Variants in DZIP1L observed in about 807,000 individuals in gnomAD.
DZIP1L encodes cilium assembly protein DZIP1L.
Under a neutral mutation model 88.7 loss-of-function variants are expected in DZIP1L, and 90 were observed. That is an observed-to-expected ratio of 1.02 (90% CI 0.86 to 1.21). The LOEUF (loss-of-function observed/expected upper bound fraction) is 1.21. Ranked by LOEUF, DZIP1L falls within the 50% of genes most tolerant of loss-of-function variation. The pLI, the probability that DZIP1L is intolerant of heterozygous loss-of-function variation, is 0.00. For synonymous variants in DZIP1L, 363 were observed against 372.1 expected (o/e 0.98, Z 0.28); for missense variants, 932 against 955.8 (o/e 0.98, Z 0.33).
At position 138,068,357 on chromosome 3, in the gene DZIP1L, C is replaced by T; in HGVS notation, c.1626G>A (p.Gln542=). ...CCTCTCTGGTGACCAGTGTGCTCTG[C>T]TGGCTTTTGACTGGAAACACAGAAA... ...QPDGQPSVKS[Q]QSTLVTREAQ... is the part of the protein sequence containing the mutation. Residue 542 remains glutamine, a synonymous_variant, in exon 13 of 16, where the codon CAG becomes CAA. Transcript: ENST00000327532. The T allele has an allele frequency of 6.6e-7, 1 of 1,505,950 alleles. No individual in the cohort carries two copies. The highest frequency in any genetic ancestry group is 8.9e-7 in the Non-Finnish European group (1 of 1,121,618). 93.3% of individuals were successfully genotyped at this position (1,505,950 alleles called of 1,614,324 possible).
rs565746978 is a variant in DZIP1L at position 138,101,668 on chromosome 3, C to T, written c.501+1803G>A. On this transcript the variant is annotated intron_variant, in intron 2 of 15. Coordinates refer to ENST00000327532, the MANE Select transcript of DZIP1L (RefSeq NM_173543.3). ...GAGGCCCCCATAGGCCGAGCTCAGA[C>T]CACCTGCATAGCCGCTGGTGGTCTT... 3.8e-5 allele frequency: 30 copies of T among 798,346 alleles called. No individual in the cohort carries two copies. The African/African-American group carries it at 4.0e-4, about 11-fold the overall frequency. 49.5% of individuals were successfully genotyped at this position (798,346 alleles called of 1,614,324 possible). A position where few individuals can be genotyped will look rare whatever the true frequency, so the allele number is the denominator to read the frequency against.
intron 2 of DZIP1L, chr3:138,101,510 C>G: frequency 5.1e-6 from 4 of 789,858 alleles, no homozygotes; most frequent in Non-Finnish European, 9.0e-6. Context: ...GACTCGGACA[C>G]CAGCTTCCCA....
In DZIP1L at chr3:138,097,743, G is replaced by T. The variant is rs758649407; in HGVS notation, c.586+20C>A. 1.2e-6 allele frequency: 2 copies of T among 1,600,190 alleles called. No individual in the cohort carries two copies. Among genetic ancestry groups the T allele is most frequent in the African/African-American group, 2.7e-5 (2 of 74,736 alleles). ...CTTTCCACAGTCCCAGAAGGGGCCC[G>T]GGCTGCTGTCTGGACTCACCACCTT... On this transcript the variant is annotated intron_variant, in intron 3 of 15. Coordinates refer to ENST00000327532, the MANE Select transcript of DZIP1L (RefSeq NM_173543.3).
At chr3:138,077,407 A>G in intron 11 of DZIP1L, 92 bp downstream of exon 11, 4 of 1,556,832 alleles carry the variant, frequency 2.6e-6, no homozygotes, top group Admixed American at 3.5e-5. Flanking sequence ...TGAGCTCACA[A>G]TGCAAAGAAC....
At chr3:138,110,031 T>C (rs2042592214) in intron 1 of DZIP1L, among the ~76,000 whole-genome samples, 1 of 152,204 alleles carries the variant, frequency 6.6e-6, no homozygotes, top group African/African-American at 2.4e-5. Flanking sequence ...CATGTATACC[T>C]ATGTAACAAA....
At chr3:138,101,358 G>A (rs1269027919) in intron 2 of DZIP1L, 1 of 639,272 alleles carries the variant, frequency 1.6e-6, no homozygotes, top group Non-Finnish European at 2.8e-6. Context: ...GTGGGTTGAG[G>A]GCTAGGGCTG....
chr3:138,064,870 GC>G, intron 14 of DZIP1L, 103 bp from the exon 15 acceptor site: 1 of 1,483,236 alleles, frequency 6.7e-7, no homozygotes, highest in African/African-American at 1.4e-5. Context: ...GAGGGAATGA[GC>G]AGAAGGGCCA....
At position 138,077,535 on chromosome 3, in the gene DZIP1L, G is replaced by T; in HGVS notation, c.1386C>A (p.Thr462=). 2 of 1,614,112 alleles carry T rather than the reference G, an allele frequency of 1.2e-6. No homozygotes were observed. The highest frequency in any genetic ancestry group is 8.5e-7 in the Non-Finnish European group (1 of 1,180,022). Residue 462 remains threonine (T), a synonymous_variant, in exon 11 of 16, where the codon ACC becomes ACA. Coordinates refer to ENST00000327532, the MANE Select transcript of DZIP1L (RefSeq NM_173543.3). ...LKHFRPILED[T]LEEKLESMGI... ...CCATGCTTTCGAGCTTCTCTTCCAG[G>T]GTGTCCTCCAGGATTGGTCTGAAGT...
intron 1 of DZIP1L, among the ~76,000 whole-genome samples, chr3:138,108,973 C>A (rs2042569748): frequency 2.0e-5 from 3 of 152,172 alleles, no homozygotes; most frequent in African/African-American, 7.2e-5. Context: ...ACCACTAAAT[C>A]TGTGGAGTGC....
intron 1 of DZIP1L, among the ~76,000 whole-genome samples, chr3:138,106,083 C>A (rs573861692): frequency 6.7e-6 from 1 of 149,990 alleles, no homozygotes; most frequent in African/African-American, 2.5e-5. Flanking sequence ...ACACTTTACC[C>A]TATTTAATCA....
At chr3:138,079,078 T>C (rs1156487946) in intron 10 of DZIP1L, among the ~76,000 whole-genome samples, 1 of 152,200 alleles carries the variant, frequency 6.6e-6, no homozygotes, top group Non-Finnish European at 1.5e-5. Flanking sequence ...ATTACAACTT[T>C]GCATTTCTAA....
intron 1 of DZIP1L, chr3:138,112,270 C>A (rs2107873860): frequency 6.6e-6 from 1 of 152,246 alleles, no homozygotes; most frequent in East Asian, 1.9e-4. Context: ...CAAGTTCTAT[C>A]TGACTCCAGA....
At chr3:138,080,504 C>G in intron 10 of DZIP1L, 63 bp downstream of exon 10, 1 of 1,576,978 alleles carries the variant, frequency 6.3e-7, no homozygotes, top group Non-Finnish European at 8.7e-7. Flanking sequence ...ACAAACTAAA[C>G]AAGGAGGAGG....
intron 8 of DZIP1L, among the ~76,000 whole-genome samples, chr3:138,082,665 C>A (rs539017361): frequency 1.3e-5 from 2 of 152,336 alleles, no homozygotes; most frequent in East Asian, 3.9e-4. Flanking sequence ...CTTTTTATTA[C>A]CTGCAGTGGC....
intron 11 of DZIP1L, 96 bp downstream of exon 11, chr3:138,077,403 C>G: frequency 6.5e-7 from 1 of 1,549,972 alleles, no homozygotes; most frequent in Non-Finnish European, 8.8e-7. Flanking sequence ...TGAATGAGCT[C>G]ACAATGCAAA....
intron 1 of DZIP1L, among the ~76,000 whole-genome samples, chr3:138,108,548 A>C (rs2042558435): frequency 6.6e-6 from 1 of 151,774 alleles, no homozygotes; most frequent in Non-Finnish European, 1.5e-5. Context: ...TGCCCCCTTG[A>C]TATTCTGCTA....
chr3:138,091,425 C>T (rs1444870466), intron 5 of DZIP1L, among the ~76,000 whole-genome samples: 1 of 151,216 alleles, frequency 6.6e-6, no homozygotes, highest in East Asian at 2.0e-4. Flanking sequence ...CAAGACAAGC[C>T]TGATCAACAT....
Position 138,068,305 on chromosome 3 carries a change from C to A in DZIP1L, c.1678G>T (p.Val560Leu). The change falls in exon 13 of 16, where the codon GTG (valine) becomes TTG (leucine). Residue 560 changes from valine to leucine, a missense_variant. Coordinates refer to ENST00000327532, the MANE Select transcript of DZIP1L (RefSeq NM_173543.3). ...TCTGCCGGTGTGGATGGCAAGGCCA[C>A]CTGCAGGGTCCTGGTCTTTGGCTGG... ...EAQPKTRTLQ[V>L]ALPSTPAEPP... is the part of the protein sequence containing the mutation. 2.5e-6 allele frequency: 4 copies of A among 1,594,500 alleles called. 1 individual carries two copies. The Middle Eastern group carries it at 5.0e-4, about 199-fold the overall frequency.
intron 1 of DZIP1L, among the ~76,000 whole-genome samples, chr3:138,113,987 A>C (rs184078089): frequency 8.0e-5 from 12 of 149,980 alleles, no homozygotes; most frequent in Admixed American, 8.0e-4. Flanking sequence ...ATGAATACTG[A>C]CATGTCCTAT....
Sources: allele counts gnomAD v4.1 joint callset (sites outside exome capture counted in the v4.1 genomes callset), GRCh38; gene constraint gnomAD v4.1.1; transcripts MANE v1.5; gene names NCBI Gene and HGNC (gene_info 2026-07-23, HGNC 2026-07-21).